Variants in COL3A1 observed in about 807,000 individuals in gnomAD.
COL3A1 encodes the protein collagen alpha-1(III) chain.
COL3A1 carries 46 observed loss-of-function variants against 200.9 expected under a neutral mutation model. The ratio of observed to expected loss-of-function variants is 0.23; its 90% CI spans 0.18 to 0.29. COL3A1 has a LOEUF of 0.29. Ranked by LOEUF, COL3A1 falls within the 10% of genes least tolerant of loss-of-function variation. The pLI is 1.00. For synonymous variants in COL3A1, 650 were observed against 628.0 expected (o/e 1.03, Z -0.52); for missense variants, 1,367 against 1,917.6 (o/e 0.71, Z 5.36).
At chr2:189,010,465 C>T in intron 49 of COL3A1, 100 bp downstream of exon 49, 1 of 1,516,704 alleles carries the variant, frequency 6.6e-7, no homozygotes, top group Admixed American at 1.7e-5. Flanking sequence ...TTGGTACAAA[C>T]ATAATTGCAG....
chr2:189,005,596 T>A (rs745442695), intron 41 of COL3A1, 139 bp downstream of exon 41: 2 of 738,512 alleles, frequency 2.7e-6, no homozygotes, highest in African/African-American at 1.7e-5. Flanking sequence ...CAGAAATTCT[T>A]TCATTACAAT....
rs144614075 is a variant in COL3A1 at position 189,009,216 on chromosome 2, A to G, written c.3818A>G (p.Lys1273Arg). ...CTGAAATTCTGCCATCCTGAACTCAAGAGTGGTATGTTTGGTAGTCTTTCA... is the reference window on the plus strand; with the variant it reads ...CTGAAATTCTGCCATCCTGAACTCAGGAGTGGTATGTTTGGTAGTCTTTCA... ...RDLKFCHPELKSGEYWVDPNQ... is the reference protein window; with the variant it reads ...RDLKFCHPELRSGEYWVDPNQ... Residue 1273 changes from lysine (K) to arginine (R), a missense_variant, in exon 48 of 51, where the codon AAG becomes AGG. Coordinates refer to ENST00000304636, the MANE Select transcript of COL3A1 (RefSeq NM_000090.4). 376 of 1,614,122 alleles carry G rather than the reference A, an allele frequency of 2.3e-4. No individual in the cohort carries two copies. Among genetic ancestry groups the G allele is most frequent in the Non-Finnish European group, 3.0e-4 (357 of 1,180,030 alleles).
chr2:189,003,387 A>T (rs1688513830), intron 36 of COL3A1, 24 bp from the exon 37 acceptor site: 1 of 1,611,108 alleles, frequency 6.2e-7, no homozygotes, highest in Non-Finnish European at 8.5e-7. Context: ...CTATTCTTAC[A>T]TAATTTCCTT....
chr2:188,982,670 T>A (rs1488575626), intron 1 of COL3A1, among the ~76,000 whole-genome samples: 2 of 151,822 alleles, frequency 1.3e-5, no homozygotes, highest in Non-Finnish European at 2.9e-5. Flanking sequence ...AATCTAACAA[T>A]GCTTTTGAGG....
chr2:188,991,794 A>G, intron 13 of COL3A1, 72 bp downstream of exon 13: 1 of 1,502,954 alleles, frequency 6.7e-7, no homozygotes, highest in Non-Finnish European at 9.3e-7. Context: ...GTAAAGTTTC[A>G]GGCTGTAAAA....
chr2:188,995,430 T>G (rs1232656783), intron 21 of COL3A1, among the ~76,000 whole-genome samples: 1 of 152,222 alleles, frequency 6.6e-6, no homozygotes, highest in Non-Finnish European at 1.5e-5. Flanking sequence ...ATTAAGATAT[T>G]TGATTTTAGC....
chr2:188,988,114 T>A lies in COL3A1; in HGVS notation c.562T>A (p.Ser188Thr). The A allele has an allele frequency of 6.2e-7, 1 of 1,613,072 alleles. No homozygotes were observed. The highest frequency in any genetic ancestry group is 8.5e-7 in the Non-Finnish European group (1 of 1,179,228). Reference sequence around the variant, plus strand: ...AGGCCCTCCCGGTCCCCCTGGTACATCTGGTCATCCTGGTTCCCCTGTAAG... The same window carrying A: ...AGGCCCTCCCGGTCCCCCTGGTACAACTGGTCATCCTGGTTCCCCTGTAAG... ...PPGPPGPPGT[S>T]GHPGSPGSPG... The change falls in exon 6 of 51, where the codon TCT becomes ACT. Residue 188 changes from serine to threonine, a missense_variant. By Grantham distance (58) the Ser-to-Thr change is moderately conservative. Transcript: ENST00000304636.
intron 1 of COL3A1, among the ~76,000 whole-genome samples, chr2:188,984,431 A>G (rs1688020576): frequency 6.6e-6 from 1 of 151,996 alleles, no homozygotes; most frequent in African/African-American, 2.4e-5. Flanking sequence ...CTTATTTTCA[A>G]TGTTCCTTTA....
chr2:188,998,686 G>T lies in COL3A1; in HGVS notation c.1990G>T (p.Asp664Tyr). ...GKPGEPGPKG[D>Y]AGAPGAPGGK... ...GCCAATCTCCCAGGGTCCAAAGGGTGATGCCGGTGCACCTGGAGCTCCAGG... is the reference window on the plus strand; with the variant it reads ...GCCAATCTCCCAGGGTCCAAAGGGTTATGCCGGTGCACCTGGAGCTCCAGG... Residue 664 changes from aspartate (D) to tyrosine (Y), a missense_variant, in exon 29 of 51, where the codon GAT (aspartate) becomes TAT (tyrosine). Physicochemically the swap from Asp to Tyr is radical, Grantham distance 160. Transcript: ENST00000304636. The T allele has an allele frequency of 6.2e-7, 1 of 1,613,952 alleles. No homozygotes were observed. The highest frequency in any genetic ancestry group is 8.5e-7 in the Non-Finnish European group (1 of 1,179,928).
chr2:189,006,672 A>G (rs1688591760), intron 43 of COL3A1, among the ~76,000 whole-genome samples: 1 of 152,178 alleles, frequency 6.6e-6, no homozygotes, highest in Non-Finnish European at 1.5e-5. Context: ...ACCCGAAATC[A>G]TATTAATCAG....
At chr2:188,996,037 G>A (rs1157724325) in intron 22 of COL3A1, 88 bp from the exon 23 acceptor site, 1 of 1,342,250 alleles carries the variant, frequency 7.5e-7, no homozygotes, top group Non-Finnish European at 1.1e-6. Context: ...ACATGTAAGT[G>A]AAAATATCAA....
At chr2:188,995,231 A>T in intron 21 of COL3A1, 132 bp downstream of exon 21, 1 of 860,160 alleles carries the variant, frequency 1.2e-6, no homozygotes, top group Non-Finnish European at 1.8e-6. Context: ...TTCCTAATAT[A>T]ATGCATCCTC....
rs112543008 is a variant in COL3A1 at position 189,008,160 on chromosome 2, C to T, written c.3525+18C>T. ...GATCTGAGGTAAGACATCACTTATA[C>T]GTATGTGTATTTAATTTGCTACAAT... On this transcript the variant is annotated intron_variant, in intron 47 of 50. Transcript: ENST00000304636. The T allele has an allele frequency of 1.5e-5, 23 of 1,581,950 alleles. No homozygotes were observed. Among genetic ancestry groups the T allele is most frequent in the Middle Eastern group, 1.7e-4 (1 of 6,012 alleles).
At chr2:188,999,220 A>G in intron 29 of COL3A1, 65 bp from the exon 30 acceptor site, 1 of 1,424,360 alleles carries the variant, frequency 7.0e-7, no homozygotes, top group South Asian at 1.2e-5. Flanking sequence ...AAATGATGCA[A>G]GTTAAGGTGC....
At chr2:188,999,713 G>T (rs1688412802) in intron 31 of COL3A1, 129 bp from the exon 32 acceptor site, 2 of 1,349,956 alleles carry the variant, frequency 1.5e-6, no homozygotes. Context: ...ATTTAAGATG[G>T]ATTCCTAAAG....
At chr2:189,008,418 C>T (rs1395364974) in intron 47 of COL3A1, 2 of 487,308 alleles carry the variant, frequency 4.1e-6, no homozygotes, top group Non-Finnish European at 3.7e-6. Context: ...GTCCACATTG[C>T]TATCCCACTA....
intron 36 of COL3A1, 44 bp downstream of exon 36, chr2:189,003,106 C>A: frequency 1.4e-6 from 2 of 1,404,586 alleles, no homozygotes; most frequent in Non-Finnish European, 2.0e-6. Flanking sequence ...TATCATCTAT[C>A]TATCTATTGA....
Position 188,984,857 on chromosome 2 carries a change from C to T in COL3A1, c.177C>T (p.Ser59=), listed in dbSNP as rs1404878392. 2 of 1,613,174 alleles carry T rather than the reference C, an allele frequency of 1.2e-6. No homozygotes were observed. Among genetic ancestry groups the T allele is most frequent in the South Asian group, 1.1e-5 (1 of 91,062 alleles). Residue 59 remains serine (S), a synonymous_variant, in exon 2 of 51, where the codon TCC becomes TCT. Transcript: ENST00000304636. ...PCQICVCDSG[S]VLCDDIICDD... Reference sequence around the variant, plus strand: ...AAATATGTGTCTGTGACTCAGGATCCGTTCTCTGCGATGACATAATATGTG... The same window carrying T: ...AAATATGTGTCTGTGACTCAGGATCTGTTCTCTGCGATGACATAATATGTG...
intron 16 of COL3A1, among the ~76,000 whole-genome samples, chr2:188,993,683 C>T (rs1688235586): frequency 6.6e-6 from 1 of 152,076 alleles, no homozygotes; most frequent in Admixed American, 6.5e-5. Context: ...TTCCAGAATT[C>T]ATGATTTTTT....
Sources: gnomAD v4.1 joint callset for allele counts (sites outside exome capture counted in the v4.1 genomes callset) on GRCh38, gnomAD v4.1.1 for gene constraint, MANE v1.5 for transcripts, NCBI Gene and HGNC (gene_info 2026-07-23, HGNC 2026-07-21) for gene names.